RARRES1: variants seen among roughly 807,000 people sequenced by gnomAD.
RARRES1 encodes retinoic acid receptor responder protein 1.
Under a neutral mutation model 30.6 loss-of-function variants are expected in RARRES1, and 34 were observed. The observed-to-expected ratio is 1.11, with a 90% CI of 0.84 to 1.48. The LOEUF (loss-of-function observed/expected upper bound fraction) is 1.48. Ranked by LOEUF, RARRES1 falls within the 40% of genes most tolerant of loss-of-function variation. The probability of loss-of-function intolerance (pLI) is 0.00; values close to 1 mark genes in which losing one functional copy is unlikely to be tolerated. For synonymous variants in RARRES1, 153 were observed against 155.5 expected, an observed-to-expected ratio of 0.98 and a Z score of 0.12; for missense variants, 373 against 386.5, an observed-to-expected ratio of 0.97 and a Z score of 0.29.
Position 158,710,832 on chromosome 3 carries a change from CCGT to C in RARRES1, c.438_440del (p.Arg147del). The C allele has an allele frequency of 2.5e-6, 4 of 1,613,338 alleles. No homozygotes were observed. The highest frequency in any genetic ancestry group is 3.4e-6 in the Non-Finnish European group (4 of 1,179,412). On this transcript the variant is annotated inframe_deletion, in exon 3 of 6. Transcript: ENST00000237696. The stretch of plus-strand genomic sequence containing the variant: ...GTTGTCTTTTCTTTTTCTCGATGAG[CCGT>C]GTACAAGTTACATTGATGGTTGGTC...
rs145317674 is a variant in RARRES1 at position 158,714,471 on chromosome 3, G to T, written c.277-612C>A. ...CGGTACAGGCAGAGGGGACCCACAA[G>T]CACAGGCGTGAGGTGGAACTTCAGT... On this transcript the variant is annotated intron_variant, in intron 1 of 5. Coordinates refer to ENST00000237696, the MANE Select transcript of RARRES1 (RefSeq NM_206963.2). Among the ~76,000 whole-genome samples, 543 of 152,322 alleles carry T rather than the reference G, an allele frequency of 3.6e-3. 1 individual carries two copies. Among genetic ancestry groups the T allele is most frequent in the African/African-American group, 0.012 (495 of 41,574 alleles).
intron 1 of RARRES1, among the ~76,000 whole-genome samples, chr3:158,728,516 C>CTTTTTTTTTTTTTTTT (rs755791546): frequency 1.9e-4 from 26 of 133,942 alleles, no homozygotes; most frequent in African/African-American, 7.2e-4. Flanking sequence ...CTTTTTCTTT[C>CTTTTTTTTTTTTTTTT]TTTTTTTTTT....
chr3:158,712,510 C>G (rs1424581457), intron 2 of RARRES1, among the ~76,000 whole-genome samples: 1 of 152,150 alleles, frequency 6.6e-6, no homozygotes, highest in African/African-American at 2.4e-5. Context: ...CCTGTGAGTG[C>G]TGGTTTTGAG....
intron 1 of RARRES1, among the ~76,000 whole-genome samples, chr3:158,720,262 G>GTGTGTGTA (rs1727466860): frequency 6.9e-6 from 1 of 145,066 alleles, no homozygotes; most frequent in African/African-American, 2.7e-5. Flanking sequence ...GTGTGTGTGT[G>GTGTGTGTA]TGTATGTGTG....
rs192345822 is a variant in RARRES1, at chr3:158,701,918, A to C, written c.672+2873T>G. 2.0e-3 allele frequency among the ~76,000 whole-genome samples: 311 copies of C among 152,210 alleles called. 5 individuals are homozygous for C. Among genetic ancestry groups the C allele is most frequent in the Admixed American group, 0.01 (155 of 15,278 alleles). On this transcript the variant is annotated intron_variant, in intron 4 of 5. Transcript: ENST00000237696. The stretch of plus-strand genomic sequence containing the variant: ...TAAGAGATGAAATGATTTGCCTTGG[A>C]TGACTCAGCTGCATATTCAACTATT...
At chr3:158,720,242 G>A (rs1727464594) in intron 1 of RARRES1, among the ~76,000 whole-genome samples, 1 of 137,450 alleles carries the variant, frequency 7.3e-6, no homozygotes, top group Non-Finnish European at 1.6e-5. Flanking sequence ...TGGTGTGTGT[G>A]TGTGTGTGTG....
At chr3:158,728,931 G>A (rs998971111) in intron 1 of RARRES1, among the ~76,000 whole-genome samples, 3 of 152,124 alleles carry the variant, frequency 2.0e-5, no homozygotes, top group African/African-American at 7.2e-5. Flanking sequence ...CTTCACTCAG[G>A]CAGTGGAGTG....
chr3:158,703,538 C>CT (rs1726805300), intron 4 of RARRES1, among the ~76,000 whole-genome samples: 1 of 152,156 alleles, frequency 6.6e-6, no homozygotes, highest in Non-Finnish European at 1.5e-5. Context: ...GGAATGTCCA[C>CT]TTCCTCTCCT....
chr3:158,705,073 G>T, intron 3 of RARRES1, 146 bp from the exon 4 acceptor site: 2 of 1,131,518 alleles, frequency 1.8e-6, no homozygotes, highest in Non-Finnish European at 2.4e-6. Context: ...TGATTTGTTT[G>T]TATCTGTTTC....
chr3:158,703,570 C>G (rs1726806743), intron 4 of RARRES1, among the ~76,000 whole-genome samples: 1 of 152,078 alleles, frequency 6.6e-6, no homozygotes, highest in Non-Finnish European at 1.5e-5. Flanking sequence ...CTGAACCTAC[C>G]CCAATCTGCC....
Position 158,732,132 on chromosome 3 carries a change from G to A in RARRES1, c.276+8C>T. On this transcript the variant is annotated splice_region_variant and intron_variant, in intron 1 of 5. Transcript: ENST00000237696. ...GGCGCGTGCCCCGGCGCGTCGCTCC[G>A]CACTCACCCACGCGCGGCCCTCCTG... The A allele has an allele frequency of 1.5e-6, 2 of 1,357,140 alleles. No homozygotes were observed. The highest frequency in any genetic ancestry group is 3.8e-5 in the Admixed American group (1 of 26,254). The allele number at this position is 1,357,140 out of a possible 1,614,324, so 84.1% of individuals were successfully genotyped here.
intron 1 of RARRES1, among the ~76,000 whole-genome samples, chr3:158,721,369 C>T (rs1366463890): frequency 1.3e-5 from 2 of 152,202 alleles, no homozygotes; most frequent in South Asian, 2.1e-4. Flanking sequence ...TGGATCTACA[C>T]CGACTTTTGA....
chr3:158,724,091 T>C (rs1344661876), intron 1 of RARRES1, among the ~76,000 whole-genome samples: 1 of 152,128 alleles, frequency 6.6e-6, no homozygotes, highest in East Asian at 1.9e-4. Flanking sequence ...GGTCGAGTAC[T>C]GAGCTAGAGA....
At chr3:158,724,729 A>G (rs1027687420) in intron 1 of RARRES1, among the ~76,000 whole-genome samples, 2 of 152,364 alleles carry the variant, frequency 1.3e-5, no homozygotes, top group Middle Eastern at 3.4e-3. Context: ...ATACAGAATT[A>G]CTGTGATCCT....
At chr3:158,724,842 TC>T (rs1727632887) in intron 1 of RARRES1, among the ~76,000 whole-genome samples, 1 of 151,852 alleles carries the variant, frequency 6.6e-6, no homozygotes, top group African/African-American at 2.4e-5. Flanking sequence ...TTTTTTTTTT[TC>T]CAGACAGGGT....
intron 4 of RARRES1, 167 bp downstream of exon 4, chr3:158,704,624 C>T (rs1363272201): frequency 8.9e-7 from 1 of 1,119,392 alleles, no homozygotes; most frequent in Admixed American, 3.2e-5. Context: ...GACTGTATCC[C>T]CAGCCCCTGA....
intron 4 of RARRES1, among the ~76,000 whole-genome samples, chr3:158,701,866 G>A (rs996341707): frequency 3.9e-5 from 6 of 151,954 alleles, no homozygotes; most frequent in African/African-American, 1.4e-4. Context: ...ACTTCAATCC[G>A]TTTGTGAGTC....
intron 1 of RARRES1, among the ~76,000 whole-genome samples, chr3:158,722,806 C>T (rs900654381): frequency 1.4e-5 from 2 of 147,562 alleles, no homozygotes; most frequent in African/African-American, 2.5e-5. Context: ...GGCCTGAACC[C>T]GGGAGGTGGA....
chr3:158,728,516 CTTTTT>C (rs755791546), intron 1 of RARRES1, among the ~76,000 whole-genome samples: 16 of 133,936 alleles, frequency 1.2e-4, no homozygotes, highest in Non-Finnish European at 1.9e-4. Flanking sequence ...CTTTTTCTTT[CTTTTT>C]TTTTTTTTTT....
Sources: allele counts gnomAD v4.1 joint callset (sites outside exome capture counted in the v4.1 genomes callset), GRCh38; gene constraint gnomAD v4.1.1; transcripts MANE v1.5; gene names NCBI Gene and HGNC (gene_info 2026-07-23, HGNC 2026-07-21).